The following PEX6 variants were observed in gnomAD, a reference collection of about 807,000 sequenced individuals.
PEX6 encodes the protein peroxisomal biogenesis factor 6, also known as peroxisome biogenesis factor 6.
Under a neutral mutation model 85.6 loss-of-function variants are expected in PEX6, and 55 were observed. The observed-to-expected ratio is 0.64, with a 90% CI of 0.52 to 0.80. The LOEUF is 0.80. Ranked by LOEUF, PEX6 falls within the 30% of genes least tolerant of loss-of-function variation. The pLI is 0.00. For missense variants in PEX6, 1,099 were observed against 1,260.3 expected, an observed-to-expected ratio of 0.87 and a Z score of 1.94; for synonymous variants, 519 against 549.1, an observed-to-expected ratio of 0.95 and a Z score of 0.77.
rs1769808595 is a variant in PEX6, at chr6:42,966,408, C to A, written c.2134G>T (p.Glu712Ter). The change falls in exon 11 of 17, where the codon GAG becomes TAG. Residue 712 changes from glutamate (E) to a stop codon, truncating the protein, a stop_gained. Transcript: ENST00000304611. LOFTEE classifies it high-confidence loss of function. ...GTCTCCAGGATCTCCTTCTTCACCT[C>A]CTGCAGCCCACCCACATCATGCCAG... ...VSWHDVGGLQ[E>*]VKKEILETIQ... 6.2e-7 allele frequency: 1 copy of A among 1,614,052 alleles called. No individual in the cohort carries two copies. The highest frequency in any genetic ancestry group is 8.5e-7 in the Non-Finnish European group (1 of 1,180,034).
chr6:42,970,129 T>C (rs1770012089), intron 3 of PEX6, 142 bp from the exon 4 acceptor site: 1 of 726,274 alleles, frequency 1.4e-6, no homozygotes, highest in Non-Finnish European at 2.5e-6. Flanking sequence ...GGAATGCAGA[T>C]GGACTTTCTC....
Position 42,964,484 on chromosome 6 carries a change from A to C in PEX6, c.2807-13T>G. 1.9e-6 allele frequency: 3 copies of C among 1,612,834 alleles called. No individual in the cohort carries two copies. Among genetic ancestry groups the C allele is most frequent in the Non-Finnish European group, 2.5e-6 (3 of 1,179,930 alleles). On this transcript the variant is annotated splice_polypyrimidine_tract_variant and intron_variant, in intron 16 of 16. Coordinates refer to ENST00000304611, the MANE Select transcript of PEX6 (RefSeq NM_000287.4). The surrounding 1 kb of genome is among the most constrained non-coding windows in gnomAD (Gnocchi z 4.6). ...CCTGGCTCCAGCCCTGGAGATGACA[A>C]GGTGGGGAGGCTGTGGTCTATGCCC...
At chr6:42,978,066 A>G (rs2150238980) in intron 1 of PEX6, among the ~76,000 whole-genome samples, 1 of 151,932 alleles carries the variant, frequency 6.6e-6, no homozygotes, top group South Asian at 2.1e-4. Flanking sequence ...GCTGGTCTCG[A>G]ACTCCCGACC....
Position 42,978,737 on chromosome 6 carries a change from C to T in PEX6, c.414G>A (p.Val138=). ...CTTGCAACGCCGGCCGCGTCTCCAG[C>T]ACCCGCGGTCCGGGCACTGGGAGGG... The part of the protein sequence containing the change: ...GETLPVPGPR[V]LETRPALQGL... The change falls in exon 1 of 17, where the codon GTG becomes GTA. Residue 138 remains valine (V), a synonymous_variant. Transcript: ENST00000304611. 1 of 1,537,294 alleles carries T rather than the reference C, an allele frequency of 6.5e-7. No individual in the cohort carries two copies. The highest frequency in any genetic ancestry group is 8.7e-7 in the Non-Finnish European group (1 of 1,147,538).
Position 42,963,948 on chromosome 6 carries a change from G to T in PEX6, c.*387C>A. On this transcript the variant is annotated 3_prime_UTR_variant, in exon 17 of 17. Coordinates refer to ENST00000304611, the MANE Select transcript of PEX6 (RefSeq NM_000287.4). ...TGCCCACCCCCCCACCCTCTCCCAG[G>T]GCTTACTCCTCCCACAACCCTGCTC... is the stretch of plus-strand genomic sequence containing the variant. 1 of 376,204 alleles carries T rather than the reference G, an allele frequency of 2.7e-6. No homozygotes were observed. Among genetic ancestry groups the T allele is most frequent in the Non-Finnish European group, 4.9e-6 (1 of 202,750 alleles). 23.3% of individuals were successfully genotyped at this position (376,204 alleles called of 1,614,324 possible). A position where few individuals can be genotyped will look rare whatever the true frequency, so the allele number is the denominator to read the frequency against.
At position 42,974,895 on chromosome 6, in the gene PEX6, G is replaced by A; in HGVS notation, c.1026C>T (p.Tyr342=). 6.2e-7 allele frequency: 1 copy of A among 1,614,068 alleles called. No individual in the cohort carries two copies. Among genetic ancestry groups the A allele is most frequent in the East Asian group, 2.2e-5 (1 of 44,882 alleles). The change falls in exon 2 of 17, where the codon TAC becomes TAT. Residue 342 remains tyrosine (Y), a synonymous_variant. Coordinates refer to ENST00000304611, the MANE Select transcript of PEX6 (RefSeq NM_000287.4). ...STNGNYDGVL[Y]RHFQIPRVVQ... is the part of the protein sequence containing the mutation. Reference sequence around the variant, plus strand: ...CTAACCTGGGTATCTGAAAGTGCCGGTAAAGAACACCGTCATAATTTCCAT... The same window carrying A: ...CTAACCTGGGTATCTGAAAGTGCCGATAAAGAACACCGTCATAATTTCCAT...
rs1265622478 is a variant in PEX6, at chr6:42,964,017, G to T, written c.*318C>A. 4 of 563,322 alleles carry T rather than the reference G, an allele frequency of 7.1e-6. No individual in the cohort carries two copies. Among genetic ancestry groups the T allele is most frequent in the Non-Finnish European group, 1.3e-5 (4 of 315,192 alleles). The allele number at this position is 563,322 out of a possible 1,614,324, so 34.9% of individuals were successfully genotyped here. ...CATGCCACAACACCAGTAGGGGGCG[G>T]GACATGCTTTATTTTCAGCCACAGA... On this transcript the variant is annotated 3_prime_UTR_variant, in exon 17 of 17. Transcript: ENST00000304611. This position sits in a 1 kb window ranked among gnomAD's most constrained non-coding sequence, Gnocchi z 4.6.
rs1769816965 is a variant in PEX6, at chr6:42,966,562, A to G, written c.2057T>C (p.Leu686Pro). The G allele has an allele frequency of 2.5e-6, 4 of 1,614,032 alleles. No homozygotes were observed. The highest frequency in any genetic ancestry group is 2.5e-6 in the Non-Finnish European group (3 of 1,180,028). Residue 686 changes from leucine (L) to proline (P), a missense_variant, in exon 10 of 17, where the codon CTG becomes CCG. Physicochemically the swap from Leu to Pro is moderately conservative, Grantham distance 98. Around this residue, in one of 3 missense-constraint regions of PEX6, gnomAD observed 514 missense variants for 627.0 expected, o/e 0.82. Coordinates refer to ENST00000304611, the MANE Select transcript of PEX6 (RefSeq NM_000287.4). ...AACGGCCTGGGAGTGAGCTGTCTGC[A>G]GTTGCTCCAGTGCCTGCCCAAAGTC... The part of the protein sequence containing the change: ...AEDFGQALEQ[L>P]QTAHSQAVGA...
chr6:42,978,707 C>G lies in PEX6; in HGVS notation c.444G>C (p.Leu148=), dbSNP rs1022934488. ...VLETRPALQG[L]LGPGTRLAVT... ...CAGCCAGCCGAGTCCCTGGGCCCAG[C>G]AGCCCTTGCAACGCCGGCCGCGTCT... is the stretch of plus-strand genomic sequence containing the variant. The change falls in exon 1 of 17, where the codon CTG becomes CTC. Residue 148 remains leucine, a synonymous_variant. Transcript: ENST00000304611. 4.5e-6 allele frequency: 7 copies of G among 1,544,398 alleles called. No homozygotes were observed. The highest frequency in any genetic ancestry group is 1.7e-4 in the Middle Eastern group (1 of 5,900).
chr6:42,973,120 TC>T (rs1444832523), intron 3 of PEX6, among the ~76,000 whole-genome samples: 3 of 152,126 alleles, frequency 2.0e-5, no homozygotes, highest in Non-Finnish European at 4.4e-5. Context: ...CAAGTGATTC[TC>T]CCGCCTCAGC....
At chr6:42,967,218 C>T (rs1769859943) in intron 8 of PEX6, 150 bp downstream of exon 8, 1 of 741,836 alleles carries the variant, frequency 1.3e-6, no homozygotes, top group African/African-American at 1.7e-5. Flanking sequence ...ATCCGCCCAC[C>T]TCGGCCTCCC....
chr6:42,967,407 G>A lies in PEX6; in HGVS notation c.1845C>T (p.Gly615=), dbSNP rs752085006. Residue 615 remains glycine (G), a synonymous_variant, in exon 8 of 17, where the codon GGC becomes GGT. Transcript: ENST00000304611. The stretch of plus-strand genomic sequence containing the variant: ...CTAGCTGTGCCAAGTTCACCTCCTG[G>A]CCCAGGGGAAGGTGGGCAGTGAGGG... ...LRALTAHLPL[G]QEVNLAQLAR... is the part of the protein sequence containing the mutation. 1 of 1,613,330 alleles carries A rather than the reference G, an allele frequency of 6.2e-7. No homozygotes were observed. Among genetic ancestry groups the A allele is most frequent in the Non-Finnish European group, 8.5e-7 (1 of 1,179,888 alleles).
intron 7 of PEX6, 83 bp downstream of exon 7, chr6:42,968,207 C>T (rs1359348982): frequency 1.7e-6 from 2 of 1,205,642 alleles, no homozygotes; most frequent in African/African-American, 1.5e-5. Context: ...GCCTCGGCCT[C>T]CCAATGTGCT....
rs996694203 is a variant in PEX6, at chr6:42,965,882, A to G, written c.2363-93T>C. 11 of 1,309,626 alleles carry G rather than the reference A, an allele frequency of 8.4e-6. No individual in the cohort carries two copies. In the African/African-American group the frequency reaches 1.0e-4, roughly 12 times the overall value. The allele number at this position is 1,309,626 out of a possible 1,614,324, so 81.1% of individuals were successfully genotyped here. A position where few individuals can be genotyped will look rare whatever the true frequency, so the allele number is the denominator to read the frequency against. ...CAGGGAGGGAAACTGGGGCCTGACA[A>G]TACAGCACTGGCATCCCAGGTACTA... On this transcript the variant is annotated intron_variant, in intron 12 of 16. Coordinates refer to ENST00000304611, the MANE Select transcript of PEX6 (RefSeq NM_000287.4). The surrounding 1 kb of genome is among the most constrained non-coding windows in gnomAD (Gnocchi z 5.0).
At chr6:42,973,219 C>T (rs1445573926) in intron 3 of PEX6, among the ~76,000 whole-genome samples, 5 of 151,754 alleles carry the variant, frequency 3.3e-5, no homozygotes, top group African/African-American at 4.8e-5. Context: ...ACCATATTGG[C>T]CAGGCTGGTC....
intron 1 of PEX6, among the ~76,000 whole-genome samples, chr6:42,977,541 C>G (rs1770348467): frequency 6.6e-6 from 1 of 151,644 alleles, no homozygotes; most frequent in Admixed American, 6.6e-5. Flanking sequence ...CCTGTAATCC[C>G]AACACTTTGG....
In PEX6 at chr6:42,978,744, G is replaced by T. The variant is rs376824422; in HGVS notation, c.407C>A (p.Pro136Gln). Residue 136 changes from proline (P) to glutamine (Q), a missense_variant, in exon 1 of 17, where the codon CCG becomes CAG. Transcript: ENST00000304611. ...RRGETLPVPG[P>Q]RVLETRPALQ... The stretch of plus-strand genomic sequence containing the variant: ...CGCCGGCCGCGTCTCCAGCACCCGC[G>T]GTCCGGGCACTGGGAGGGTCTCTCC... The T allele has an allele frequency of 7.8e-6, 12 of 1,536,406 alleles. No individual in the cohort carries two copies. The East Asian group carries it at 2.4e-4, about 31-fold the overall frequency.
chr6:42,971,292 G>A lies in PEX6; in HGVS notation c.1131-1305C>T, dbSNP rs1770048556. Among the ~76,000 whole-genome samples, 2 of 152,152 alleles carry A rather than the reference G, an allele frequency of 1.3e-5. No individual in the cohort carries two copies. Among genetic ancestry groups the A allele is most frequent in the Admixed American group, 6.6e-5 (1 of 15,262 alleles). On this transcript the variant is annotated intron_variant, in intron 3 of 16. Coordinates refer to ENST00000304611, the MANE Select transcript of PEX6 (RefSeq NM_000287.4). The surrounding 1 kb of genome is among the most constrained non-coding windows in gnomAD (Gnocchi z 4.4). ...CAGTGGGCCTCTAACCTAGGATCTC[G>A]ATCAAGCTCAACAGCTGAGTCATGG...
At chr6:42,976,414 G>T (rs1454168464) in intron 1 of PEX6, among the ~76,000 whole-genome samples, 1 of 152,012 alleles carries the variant, frequency 6.6e-6, no homozygotes, top group African/African-American at 2.4e-5. Flanking sequence ...CCAGGTTGGA[G>T]TGCAGTGGTG....
Sources: allele counts gnomAD v4.1 joint callset (sites outside exome capture counted in the v4.1 genomes callset), GRCh38; gene constraint gnomAD v4.1.1; regional missense constraint gnomAD v4.1.1; non-coding constraint Gnocchi (gnomAD v3.1); transcripts MANE v1.5; gene names NCBI Gene and HGNC (gene_info 2026-07-23, HGNC 2026-07-21).